Variants in ATG7 observed in about 807,000 individuals in gnomAD.
ATG7 encodes ubiquitin-like modifier-activating enzyme ATG7.
ATG7 carries 70 observed loss-of-function variants against 82.4 expected under a neutral mutation model. The ratio of observed to expected loss-of-function variants is 0.85; its 90% CI spans 0.70 to 1.04. The LOEUF is 1.04. ATG7 is among the 50% of genes least tolerant of loss of function. The probability of loss-of-function intolerance (pLI) is 0.00; values close to 1 mark genes in which losing one functional copy is unlikely to be tolerated. For missense variants in ATG7, 792 were observed against 864.3 expected, an observed-to-expected ratio of 0.92 and a Z score of 1.05; for synonymous variants, 287 against 313.0, an observed-to-expected ratio of 0.92 and a Z score of 0.88.
At chr3:11,522,757 C>T (rs930811450) in intron 20 of ATG7, among the ~76,000 whole-genome samples, 2 of 152,188 alleles carry the variant, frequency 1.3e-5, no homozygotes, top group Admixed American at 1.3e-4. Flanking sequence ...TTCAAAATCG[C>T]CTGTCAAATG....
chr3:11,418,354 C>G (rs1335215397), intron 19 of ATG7, among the ~76,000 whole-genome samples: 1 of 151,436 alleles, frequency 6.6e-6, no homozygotes, highest in South Asian at 2.1e-4. Context: ...CTCAAGTGAT[C>G]CTCCTATCTC....
chr3:11,317,046 T>C (rs1194946663), intron 9 of ATG7, among the ~76,000 whole-genome samples: 1 of 152,160 alleles, frequency 6.6e-6, no homozygotes, highest in Non-Finnish European at 1.5e-5. Context: ...TTCACCGTGT[T>C]AGCCAGGATG....
intron 20 of ATG7, among the ~76,000 whole-genome samples, chr3:11,501,775 C>T (rs148763346): frequency 3.3e-5 from 5 of 152,084 alleles, no homozygotes; most frequent in Admixed American, 6.5e-5. Flanking sequence ...CTGCAGCCTT[C>T]GCCTCCCGGG....
At chr3:11,461,748 C>T (rs1052297966) in intron 20 of ATG7, among the ~76,000 whole-genome samples, 21 of 152,126 alleles carry the variant, frequency 1.4e-4, no homozygotes, top group African/African-American at 4.3e-4. Flanking sequence ...GACTCTGGGC[C>T]GGGCGCAGTG....
intron 18 of ATG7, among the ~76,000 whole-genome samples, chr3:11,373,218 C>G (rs2077159749): frequency 7.1e-6 from 1 of 140,672 alleles, no homozygotes; most frequent in African/African-American, 2.7e-5. Flanking sequence ...GCTTTAGTTT[C>G]CTGTGTGGAT....
chr3:11,333,038 C>T lies in ATG7; in HGVS notation c.834C>T (p.Asp278=), dbSNP rs139472290. ...FRDRTMQGAR[D]VAHSIIFEVK... The stretch of plus-strand genomic sequence containing the variant: ...ACCGTACCATGCAGGGGGCGAGAGA[C>T]GTTGCCCACAGCATCATCTTCGAAG... Residue 278 remains aspartate, a synonymous_variant, in exon 11 of 21, where the codon GAC becomes GAT. Transcript: ENST00000693202. 5.7e-6 allele frequency: 9 copies of T among 1,572,508 alleles called. No homozygotes were observed. The highest frequency in any genetic ancestry group is 1.7e-4 in the Middle Eastern group (1 of 5,904).
At chr3:11,567,381 T>A in the ATG7 span, among the ~76,000 whole-genome samples, 1 of 152,090 alleles carries the variant, frequency 6.6e-6, no homozygotes, top group Non-Finnish European at 1.5e-5. Context: ...GTTTATGGGG[T>A]TTTTTTCTTC....
chr3:11,498,193 T>C (rs1355907343), intron 20 of ATG7, among the ~76,000 whole-genome samples: 1 of 152,152 alleles, frequency 6.6e-6, no homozygotes. Context: ...CCCACCTCTT[T>C]CTCTAGAATT....
At chr3:11,490,513 T>G (rs1393180745) in intron 20 of ATG7, among the ~76,000 whole-genome samples, 1 of 152,190 alleles carries the variant, frequency 6.6e-6, no homozygotes, top group Non-Finnish European at 1.5e-5. Flanking sequence ...ATCCTGTCAT[T>G]ATGATGTTAG....
intron 20 of ATG7, among the ~76,000 whole-genome samples, chr3:11,486,840 T>TAA (rs1553692297): frequency 1.9e-4 from 25 of 133,532 alleles, no homozygotes; most frequent in Admixed American, 1.3e-3. Context: ...TTTTTTTTTT[T>TAA]AATTTATTTT....
chr3:11,451,551 C>G (rs2085134078), intron 20 of ATG7, among the ~76,000 whole-genome samples: 1 of 152,096 alleles, frequency 6.6e-6, no homozygotes, highest in South Asian at 2.1e-4. Context: ...ATTTTCAACC[C>G]AGGGGCCCTT....
chr3:11,507,772 A>G (rs552607578), intron 20 of ATG7, among the ~76,000 whole-genome samples: 46 of 152,266 alleles, frequency 3.0e-4, no homozygotes, highest in African/African-American at 1.1e-3. Context: ...AGCAATTTTA[A>G]GTCCACACTC....
At chr3:11,342,710 TA>T (rs1403121539) in intron 13 of ATG7, among the ~76,000 whole-genome samples, 7 of 152,164 alleles carry the variant, frequency 4.6e-5, no homozygotes, top group Non-Finnish European at 1.0e-4. Context: ...TATGTATGTG[TA>T]GTATTTTGTT....
Position 11,486,840 on chromosome 3 carries a change from T to A in ATG7, c.2079+59914T>A, listed in dbSNP as rs7623758. On this transcript the variant is annotated intron_variant, in intron 20 of 20. Transcript: ENST00000693202. ...GTTCTGTTTTTTTTTTTTTTTTTTT[T>A]AATTTATTTTTTTATTGATAATTCT... is the stretch of plus-strand genomic sequence containing the variant. Among the ~76,000 whole-genome samples the A allele has an allele frequency of 6.3e-3, 845 of 133,498 alleles. 6 individuals carry two copies. The highest frequency in any genetic ancestry group is 0.022 in the African/African-American group (750 of 33,504). 87.6% of individuals were successfully genotyped at this position (133,498 alleles called of 152,430 possible).
rs1559318326 is a variant in ATG7 at position 11,282,302 on chromosome 3, C to A, written c.-147C>A. On this transcript the variant is annotated 5_prime_UTR_variant, in exon 3 of 21. Transcript: ENST00000693202. ...GAAGGATATTATAGCAGAAGGAAACCAAAATAAAAGAAAAACAGCTCCTGG... is the reference window on the plus strand; with the variant it reads ...GAAGGATATTATAGCAGAAGGAAACAAAAATAAAAGAAAAACAGCTCCTGG... The A allele has an allele frequency of 6.6e-6, 1 of 152,034 alleles. No individual in the cohort carries two copies. Among genetic ancestry groups the A allele is most frequent in the Non-Finnish European group, 1.5e-5 (1 of 67,998 alleles). 9.4% of individuals were successfully genotyped at this position (152,034 alleles called of 1,614,324 possible).
Position 11,313,290 on chromosome 3 carries a change from A to C in ATG7, c.412-14A>C. ...GGTGCTATTCTAATAACTTATTTAT[A>C]CTTTTTTTTCTAGGATCTAAAGAAG... is the stretch of plus-strand genomic sequence containing the variant. On this transcript the variant is annotated splice_polypyrimidine_tract_variant and intron_variant, in intron 7 of 20. Transcript: ENST00000693202. 2.6e-6 allele frequency: 4 copies of C among 1,531,164 alleles called. No homozygotes were observed. The highest frequency in any genetic ancestry group is 3.6e-6 in the Non-Finnish European group (4 of 1,112,808). The allele number at this position is 1,531,164 out of a possible 1,614,324, so 94.8% of individuals were successfully genotyped here.
chr3:11,408,214 G>A (rs756581630), intron 19 of ATG7, among the ~76,000 whole-genome samples: 1 of 152,176 alleles, frequency 6.6e-6, no homozygotes, highest in Non-Finnish European at 1.5e-5. Flanking sequence ...AGGACAAAAT[G>A]ACACCAGTCT....
intron 17 of ATG7, 32 bp from the exon 18 acceptor site, chr3:11,364,627 A>C: frequency 6.2e-7 from 1 of 1,609,316 alleles, no homozygotes; most frequent in South Asian, 1.1e-5. Flanking sequence ...ACTTGGATTA[A>C]ATGAGCAGCT....
At chr3:11,514,840 G>GT (rs751529129) in intron 20 of ATG7, among the ~76,000 whole-genome samples, 8,775 of 139,854 alleles carry the variant, frequency 0.063, 299 homozygotes, top group African/African-American at 0.096. Context: ...TCTGGTCTAG[G>GT]TTTTTTTTTT....
Sources: gnomAD v4.1 joint callset for allele counts (sites outside exome capture counted in the v4.1 genomes callset) on GRCh38, gnomAD v4.1.1 for gene constraint, MANE v1.5 for transcripts, NCBI Gene and HGNC (gene_info 2026-07-23, HGNC 2026-07-21) for gene names.